Variants in NMBR observed in about 807,000 individuals in gnomAD.
NMBR encodes the protein neuromedin-B receptor.
In NMBR, 16 loss-of-function variants were observed where a neutral mutation model predicts 20.5. The ratio of observed to expected loss-of-function variants is 0.78; its 90% CI spans 0.53 to 1.19. NMBR has a LOEUF of 1.19. NMBR is among the 50% of genes most tolerant of loss of function. The probability of loss-of-function intolerance (pLI) is 0.00; values close to 1 mark genes in which losing one functional copy is unlikely to be tolerated. For missense variants in NMBR, 582 were observed against 499.1 expected (o/e 1.17, Z -1.58); for synonymous variants, 212 against 196.6 (o/e 1.08, Z -0.65).
intron 1 of NMBR, among the ~76,000 whole-genome samples, chr6:142,126,898 G>T: frequency 6.6e-6 from 1 of 150,996 alleles, no homozygotes; most frequent in East Asian, 1.9e-4. Context: ...GGGTTTTGGG[G>T]GGGTTTATTT....
rs531331913 is a variant in NMBR at position 142,141,705 on chromosome 6, C to T, written c.-664+5339G>A. ...ATTTTTAGTAGAGATGGGGTTTCAC[C>T]ATGTTGGCCAGGCTGTCTCGAACTC... On this transcript the variant is annotated intron_variant, in intron 1 of 3. Coordinates refer to ENST00000258042, the MANE Select transcript of NMBR (RefSeq NM_002511.4). Among the ~76,000 whole-genome samples, 14 of 152,084 alleles carry T rather than the reference C, an allele frequency of 9.2e-5. 1 individual carries two copies. The South Asian group carries it at 2.9e-3, about 32-fold the overall frequency.
chr6:142,106,528 T>A (rs1393955213), intron 1 of NMBR, among the ~76,000 whole-genome samples: 1 of 152,210 alleles, frequency 6.6e-6, no homozygotes, highest in Non-Finnish European at 1.5e-5. Context: ...ACATAACACA[T>A]ACAGACATAC....
At chr6:142,114,352 T>C (rs1777816905) in intron 1 of NMBR, among the ~76,000 whole-genome samples, 1 of 152,126 alleles carries the variant, frequency 6.6e-6, no homozygotes. Flanking sequence ...ATTTTTGTGG[T>C]TGGTAATCTA....
rs1216145783 is a variant in NMBR at position 142,088,578 on chromosome 6, C to T, written c.81G>A (p.Arg27=). The change falls in exon 2 of 4, where the codon AGG becomes AGA. Residue 27 remains arginine (R), a synonymous_variant. Coordinates refer to ENST00000258042, the MANE Select transcript of NMBR (RefSeq NM_002511.4). ...ESGSVPEGWE[R]DFLPASDGTT... is the part of the protein sequence containing the mutation. ...TCCCGTCCGAGGCCGGCAGGAAATCCCTTTCCCACCCCTCGGGAACGGAAC... is the reference window on the plus strand; with the variant it reads ...TCCCGTCCGAGGCCGGCAGGAAATCTCTTTCCCACCCCTCGGGAACGGAAC... The T allele has an allele frequency of 1.9e-6, 3 of 1,613,404 alleles. No individual in the cohort carries two copies. The highest frequency in any genetic ancestry group is 1.6e-4 in the Middle Eastern group (1 of 6,084).
intron 1 of NMBR, among the ~76,000 whole-genome samples, chr6:142,135,609 A>C (rs1778239594): frequency 2.0e-5 from 3 of 150,118 alleles, no homozygotes; most frequent in Non-Finnish European, 4.5e-5. Flanking sequence ...CTCGTCATTT[A>C]GCATTAGGTA....
intron 1 of NMBR, among the ~76,000 whole-genome samples, chr6:142,099,790 C>A (rs1435703547): frequency 2.6e-5 from 4 of 152,060 alleles, no homozygotes; most frequent in African/African-American, 9.7e-5. Context: ...GATTTATGAT[C>A]CAACACATAC....
At chr6:142,112,923 A>G (rs1026197022) in intron 1 of NMBR, among the ~76,000 whole-genome samples, 5 of 152,088 alleles carry the variant, frequency 3.3e-5, no homozygotes, top group African/African-American at 1.2e-4. Context: ...TTATTAAGCC[A>G]TACCTGCCTT....
chr6:142,113,219 G>T (rs1777802825), intron 1 of NMBR, among the ~76,000 whole-genome samples: 1 of 151,742 alleles, frequency 6.6e-6, no homozygotes, highest in Non-Finnish European at 1.5e-5. Flanking sequence ...CTTTTATATT[G>T]TTTTCTCATT....
chr6:142,096,296 A>G (rs903348872), intron 1 of NMBR, among the ~76,000 whole-genome samples: 14 of 152,332 alleles, frequency 9.2e-5, no homozygotes, highest in African/African-American at 3.1e-4. Context: ...ATTTACTGCT[A>G]TAAATTTCCC....
At chr6:142,112,055 G>A (rs757867625) in intron 1 of NMBR, among the ~76,000 whole-genome samples, 1 of 152,198 alleles carries the variant, frequency 6.6e-6, no homozygotes, top group Non-Finnish European at 1.5e-5. Context: ...CTGGCTGGGT[G>A]CAGTGGGTCA....
chr6:142,079,867 G>A (rs1777057979), intron 2 of NMBR, among the ~76,000 whole-genome samples: 1 of 152,120 alleles, frequency 6.6e-6, no homozygotes, highest in Admixed American at 6.5e-5. Flanking sequence ...TAGTGATAAA[G>A]GAATCACACT....
In NMBR at chr6:142,088,377, GAGC is replaced by G; in HGVS notation, c.279_281del (p.Leu94del). The G allele has an allele frequency of 6.2e-7, 1 of 1,614,148 alleles. No homozygotes were observed. Among genetic ancestry groups the G allele is most frequent in the Non-Finnish European group, 8.5e-7 (1 of 1,180,018 alleles). ...GCGAGGCGTCCACCGGGACGCAGGT[GAGC>G]AGCAGCAGCAAGTCCCCGGCCGCCA... On this transcript the variant is annotated inframe_deletion, in exon 2 of 4. Coordinates refer to ENST00000258042, the MANE Select transcript of NMBR (RefSeq NM_002511.4).
At chr6:142,106,629 A>G (rs1777667015) in intron 1 of NMBR, among the ~76,000 whole-genome samples, 1 of 152,228 alleles carries the variant, frequency 6.6e-6, no homozygotes, top group Non-Finnish European at 1.5e-5. Flanking sequence ...CAGACTATCA[A>G]TCTTCCAATT....
intron 1 of NMBR, among the ~76,000 whole-genome samples, chr6:142,094,339 G>A (rs1777400232): frequency 6.6e-6 from 1 of 152,286 alleles, no homozygotes; most frequent in Admixed American, 6.5e-5. Context: ...AAGTTGTAAG[G>A]AAGGGATCCA....
chr6:142,136,771 G>C (rs1201067061), intron 1 of NMBR, among the ~76,000 whole-genome samples: 1 of 151,972 alleles, frequency 6.6e-6, no homozygotes, highest in Non-Finnish European at 1.5e-5. Context: ...CCCATTGTTT[G>C]TTTTTCTCAG....
At chr6:142,141,801 C>T (rs1778367594) in intron 1 of NMBR, among the ~76,000 whole-genome samples, 1 of 151,996 alleles carries the variant, frequency 6.6e-6, no homozygotes, top group African/African-American at 2.4e-5. Flanking sequence ...CCACGCCCGG[C>T]CTGAAGTTTT....
rs1411396238 is a variant in NMBR at position 142,102,206 on chromosome 6, G to A, written c.-663-12885C>T. On this transcript the variant is annotated intron_variant, in intron 1 of 3. Coordinates refer to ENST00000258042, the MANE Select transcript of NMBR (RefSeq NM_002511.4). ...GATCAAGACCATCCTGGCTAACACG[G>A]TGAATCCCCGTCTCTACTAAAAAAA... Among the ~76,000 whole-genome samples, 3 of 152,054 alleles carry A rather than the reference G, an allele frequency of 2.0e-5. No individual in the cohort carries two copies. In the East Asian group the frequency reaches 5.8e-4, roughly 29 times the overall value.
chr6:142,107,401 G>A (rs1043673018), intron 1 of NMBR, among the ~76,000 whole-genome samples: 2 of 152,158 alleles, frequency 1.3e-5, no homozygotes, highest in African/African-American at 2.4e-5. Context: ...ACAACTGGAT[G>A]TAATACTTAC....
At chr6:142,081,016 TA>T (rs1777082377) in intron 2 of NMBR, among the ~76,000 whole-genome samples, 1 of 152,224 alleles carries the variant, frequency 6.6e-6, no homozygotes, top group Non-Finnish European at 1.5e-5. Flanking sequence ...ATAAACAACA[TA>T]AATTTGTCAC....
Sources: allele counts gnomAD v4.1 joint callset (sites outside exome capture counted in the v4.1 genomes callset), GRCh38; gene constraint gnomAD v4.1.1; transcripts MANE v1.5; gene names NCBI Gene and HGNC (gene_info 2026-07-23, HGNC 2026-07-21).